The following BTLA variants were observed in gnomAD, a reference collection of about 807,000 sequenced individuals.
BTLA encodes the protein B- and T-lymphocyte attenuator.
In BTLA, 11 loss-of-function variants were observed where a neutral mutation model predicts 25.0. The observed-to-expected ratio is 0.44, with a 90% CI of 0.28 to 0.73. The LOEUF is 0.73. BTLA is among the 30% of genes least tolerant of loss of function. The probability of loss-of-function intolerance (pLI) is 0.15; values close to 1 mark genes in which losing one functional copy is unlikely to be tolerated. For synonymous variants in BTLA, 104 were observed against 119.8 expected, an observed-to-expected ratio of 0.87 and a Z score of 0.86; for missense variants, 282 against 332.8, an observed-to-expected ratio of 0.85 and a Z score of 1.19.
At chr3:112,473,405 G>T (rs1211883812) in intron 2 of BTLA, among the ~76,000 whole-genome samples, 1 of 151,946 alleles carries the variant, frequency 6.6e-6, no homozygotes, top group Non-Finnish European at 1.5e-5. Flanking sequence ...TGTCTGCTTT[G>T]ATCACCTCTT....
At chr3:112,476,270 A>G (rs2107317344) in intron 2 of BTLA, among the ~76,000 whole-genome samples, 1 of 152,324 alleles carries the variant, frequency 6.6e-6, no homozygotes, top group South Asian at 2.1e-4. Context: ...TCTATATTTC[A>G]TAATTGAGGG....
chr3:112,495,556 C>A (rs2082404968), intron 1 of BTLA, among the ~76,000 whole-genome samples: 1 of 152,212 alleles, frequency 6.6e-6, no homozygotes, highest in Non-Finnish European at 1.5e-5. Flanking sequence ...TTAATCTTTT[C>A]ATGCTTTAAT....
At chr3:112,483,531 A>G (rs2107325319) in intron 1 of BTLA, among the ~76,000 whole-genome samples, 1 of 152,304 alleles carries the variant, frequency 6.6e-6, no homozygotes, top group South Asian at 2.1e-4. Context: ...CTGAGCTGAA[A>G]GCAAGCCTTG....
chr3:112,495,407 G>A (rs73229316), intron 1 of BTLA, among the ~76,000 whole-genome samples: 4 of 152,296 alleles, frequency 2.6e-5, no homozygotes, highest in Non-Finnish European at 5.9e-5. Context: ...AAGTAGGAAA[G>A]TCCCAATGAG....
Position 112,464,228 on chromosome 3 carries a change from G to A in BTLA, c.*1880C>T. 1 of 397,634 alleles carries A rather than the reference G, an allele frequency of 2.5e-6. No homozygotes were observed. The allele number at this position is 397,634 out of a possible 1,614,324, so 24.6% of individuals were successfully genotyped here. A position where few individuals can be genotyped will look rare whatever the true frequency, so the allele number is the denominator to read the frequency against. On this transcript the variant is annotated 3_prime_UTR_variant, in exon 5 of 5. Coordinates refer to ENST00000334529, the MANE Select transcript of BTLA (RefSeq NM_181780.4). ...TACAAATATATTAATACATCTTAGA[G>A]ATGAAATCATTATCAGCATTATCTT...
At chr3:112,490,319 T>C (rs1183173863) in intron 1 of BTLA, among the ~76,000 whole-genome samples, 1 of 152,180 alleles carries the variant, frequency 6.6e-6, no homozygotes, top group East Asian at 1.9e-4. Context: ...CACAAACATA[T>C]GTTAAAATCA....
chr3:112,497,155 T>C (rs756151668), intron 1 of BTLA, among the ~76,000 whole-genome samples: 19 of 152,366 alleles, frequency 1.2e-4, no homozygotes, highest in Non-Finnish European at 2.5e-4. Context: ...TGTTAAAACA[T>C]AATTCTCATT....
rs761121604 is a variant in BTLA, at chr3:112,466,123, T to C, written c.855A>G (p.Ile285Met). 2 of 1,601,384 alleles carry C rather than the reference T, an allele frequency of 1.2e-6. No individual in the cohort carries two copies. The highest frequency in any genetic ancestry group is 1.7e-6 in the Non-Finnish European group (2 of 1,170,126). ...VKEAPTEYASICVRS is the reference protein window; with the variant it reads ...VKEAPTEYASMCVRS Reference sequence around the variant, plus strand: ...AGAAACAGACTTAACTCCTCACACATATGGATGCATATTCTGTTGGTGCTT... The same window carrying C: ...AGAAACAGACTTAACTCCTCACACACATGGATGCATATTCTGTTGGTGCTT... Residue 285 changes from isoleucine to methionine, a missense_variant, in exon 5 of 5, where the codon ATA becomes ATG. Around this residue, in one of 2 missense-constraint regions of BTLA, gnomAD observed 119 missense variants for 102.3 expected, o/e 1.16. Coordinates refer to ENST00000334529, the MANE Select transcript of BTLA (RefSeq NM_181780.4).
intron 1 of BTLA, among the ~76,000 whole-genome samples, chr3:112,497,237 C>T (rs968264598): frequency 2.0e-5 from 3 of 152,154 alleles, no homozygotes; most frequent in African/African-American, 7.2e-5. Flanking sequence ...GCTTTAAATA[C>T]GTGCACTTAC....
intron 1 of BTLA, among the ~76,000 whole-genome samples, chr3:112,488,706 C>G (rs1374044801): frequency 6.6e-6 from 1 of 152,160 alleles, no homozygotes; most frequent in African/African-American, 2.4e-5. Context: ...CTCCACCCAC[C>G]GGGTTCAAGC....
intron 4 of BTLA, among the ~76,000 whole-genome samples, chr3:112,469,182 T>C (rs150429506): frequency 3.3e-5 from 5 of 152,328 alleles, no homozygotes; most frequent in South Asian, 2.1e-4. Flanking sequence ...TAGGAAAGAT[T>C]GACTCCAAAA....
chr3:112,490,763 G>C, intron 1 of BTLA, among the ~76,000 whole-genome samples: 1 of 149,518 alleles, frequency 6.7e-6, no homozygotes, highest in East Asian at 1.9e-4. Context: ...CAAGAAAATT[G>C]AGAGCATTTT....
intron 1 of BTLA, among the ~76,000 whole-genome samples, chr3:112,492,932 C>T (rs1215528161): frequency 6.6e-6 from 1 of 152,126 alleles, no homozygotes; most frequent in Non-Finnish European, 1.5e-5. Context: ...TGATGTTTTC[C>T]TGGGACTGAT....
At chr3:112,478,941 T>A (rs2082303246) in intron 2 of BTLA, among the ~76,000 whole-genome samples, 1 of 152,100 alleles carries the variant, frequency 6.6e-6, no homozygotes, top group Admixed American at 6.6e-5. Context: ...TCCCAGAAAA[T>A]CACTAGGAAG....
chr3:112,486,545 C>T (rs1187623412), intron 1 of BTLA, among the ~76,000 whole-genome samples: 1 of 152,068 alleles, frequency 6.6e-6, no homozygotes, highest in Admixed American at 6.6e-5. Flanking sequence ...ACAGTATGAA[C>T]TTTGATTCTT....
intron 1 of BTLA, among the ~76,000 whole-genome samples, chr3:112,480,695 T>G (rs1001109081): frequency 6.6e-6 from 1 of 152,216 alleles, no homozygotes; most frequent in African/African-American, 2.4e-5. Context: ...AATACATTCA[T>G]AACCTCTGAT....
At chr3:112,468,801 C>A (rs1398791534) in intron 4 of BTLA, among the ~76,000 whole-genome samples, 3 of 152,148 alleles carry the variant, frequency 2.0e-5, no homozygotes, top group African/African-American at 7.2e-5. Context: ...ACAGTGCCTA[C>A]TGATGCTAAT....
chr3:112,488,228 CT>C (rs546779181), intron 1 of BTLA, among the ~76,000 whole-genome samples: 3,876 of 124,734 alleles, frequency 0.031, 90 homozygotes, highest in African/African-American at 0.1. Flanking sequence ...TTTCTTTTTT[CT>C]TTTTTTTTTT....
chr3:112,468,159 T>C (rs956710982), intron 4 of BTLA, among the ~76,000 whole-genome samples: 2 of 152,262 alleles, frequency 1.3e-5, no homozygotes, highest in African/African-American at 4.8e-5. Context: ...AATTTGTATT[T>C]ATAGTATATG....
Sources: gnomAD v4.1 joint callset for allele counts (sites outside exome capture counted in the v4.1 genomes callset) on GRCh38, gnomAD v4.1.1 for gene constraint, gnomAD v4.1.1 regional missense constraint, MANE v1.5 for transcripts, NCBI Gene and HGNC (gene_info 2026-07-23, HGNC 2026-07-21) for gene names.